PACS1: variants seen among roughly 807,000 people sequenced by gnomAD.
PACS1 encodes PACS-1.
Under a neutral mutation model 115.0 loss-of-function variants are expected in PACS1, and 24 were observed. That is an observed-to-expected ratio of 0.21 (90% CI 0.15 to 0.29). The LOEUF (loss-of-function observed/expected upper bound fraction) is 0.29, where lower values mean the gene tolerates loss of function less well. PACS1 is among the 10% of genes least tolerant of loss of function. The probability of loss-of-function intolerance (pLI) is 1.00; values close to 1 mark genes in which losing one functional copy is unlikely to be tolerated. For synonymous variants in PACS1, 453 were observed against 504.5 expected, an observed-to-expected ratio of 0.90 and a Z score of 1.37; for missense variants, 838 against 1,251.2, an observed-to-expected ratio of 0.67 and a Z score of 4.98.
chr11:66,144,367 A>G (rs1284069470), intron 1 of PACS1, among the ~76,000 whole-genome samples: 1 of 152,246 alleles, frequency 6.6e-6, no homozygotes, highest in African/African-American at 2.4e-5. Context: ...AGTTTTTTAG[A>G]GAAGAGGAAA....
intron 1 of PACS1, among the ~76,000 whole-genome samples, chr11:66,073,222 C>T (rs546012805): frequency 6.6e-6 from 1 of 152,336 alleles, no homozygotes; most frequent in South Asian, 2.1e-4. Context: ...GAGAAAATGG[C>T]CTGCCATTGG....
At chr11:66,128,871 C>G (rs369703992) in intron 1 of PACS1, among the ~76,000 whole-genome samples, 1 of 144,100 alleles carries the variant, frequency 6.9e-6, no homozygotes, top group African/African-American at 2.7e-5. Context: ...GCAACAGAGC[C>G]GGACTCCATC....
chr11:66,110,693 C>T (rs1858168339), intron 1 of PACS1, among the ~76,000 whole-genome samples: 2 of 152,146 alleles, frequency 1.3e-5, no homozygotes, highest in African/African-American at 4.8e-5. Flanking sequence ...CTCCCACCTC[C>T]TGAGTACCTG....
At chr11:66,190,762 C>G (rs1282688229) in intron 1 of PACS1, among the ~76,000 whole-genome samples, 2 of 152,152 alleles carry the variant, frequency 1.3e-5, no homozygotes, top group African/African-American at 4.8e-5. Context: ...CATCTCTGCT[C>G]TGAAGGGAAG....
intron 2 of PACS1, among the ~76,000 whole-genome samples, chr11:66,201,479 G>A (rs11532072): frequency 3.9e-5 from 6 of 152,052 alleles, no homozygotes; most frequent in Admixed American, 3.9e-4. Flanking sequence ...GTAGCTATAA[G>A]TGCCTACATC....
chr11:66,153,924 T>C (rs1260202703), intron 1 of PACS1, among the ~76,000 whole-genome samples: 4 of 152,272 alleles, frequency 2.6e-5, no homozygotes, highest in African/African-American at 9.6e-5. Flanking sequence ...AGACACACTT[T>C]AAACACAGAG....
intron 1 of PACS1, among the ~76,000 whole-genome samples, chr11:66,170,526 T>C (rs916701653): frequency 1.3e-5 from 2 of 150,418 alleles, no homozygotes; most frequent in South Asian, 4.1e-4. Context: ...CTTTACAGGG[T>C]TGTTTTTATA....
Position 66,078,125 on chromosome 11 carries a change from C to A in PACS1, c.356+7283C>A, listed in dbSNP as rs7103517. ...TCTCCTTGTGAGTAATGATCTGTGT[C>A]CACTCTCAGATCAACCTGGGCTCCC... On this transcript the variant is annotated intron_variant, in intron 1 of 23. Transcript: ENST00000320580. Among the ~76,000 whole-genome samples the A allele has an allele frequency of 4.6e-3, 697 of 152,230 alleles. 5 individuals carry two copies. The highest frequency in any genetic ancestry group is 0.015 in the African/African-American group (623 of 41,522).
intron 1 of PACS1, among the ~76,000 whole-genome samples, chr11:66,103,071 TC>T (rs1251342248): frequency 6.6e-6 from 1 of 152,220 alleles, no homozygotes; most frequent in Non-Finnish European, 1.5e-5. Context: ...CCTGAAGTGA[TC>T]CATCTGCCTT....
chr11:66,153,123 A>G (rs748401770), intron 1 of PACS1, among the ~76,000 whole-genome samples: 1 of 151,986 alleles, frequency 6.6e-6, no homozygotes, highest in Non-Finnish European at 1.5e-5. Flanking sequence ...TAAGATACAT[A>G]TGTGTTTTTT....
chr11:66,114,606 A>G (rs1455771964), intron 1 of PACS1, among the ~76,000 whole-genome samples: 1 of 152,122 alleles, frequency 6.6e-6, no homozygotes, highest in Admixed American at 6.6e-5. Flanking sequence ...AGAAAATGCA[A>G]ATAATTTGTG....
intron 7 of PACS1, 59 bp from the exon 8 acceptor site, chr11:66,219,687 G>T: frequency 1.6e-6 from 2 of 1,286,626 alleles, no homozygotes; most frequent in South Asian, 2.4e-5. Context: ...GGTGTTTATT[G>T]ACTTGAATTG....
chr11:66,234,364 C>G, intron 17 of PACS1, 122 bp downstream of exon 17: 1 of 726,736 alleles, frequency 1.4e-6, no homozygotes, highest in East Asian at 2.5e-5. Flanking sequence ...CCCGGTCACT[C>G]TGTCCATTCA....
At chr11:66,145,420 A>G (rs2134600335) in intron 1 of PACS1, among the ~76,000 whole-genome samples, 1 of 152,310 alleles carries the variant, frequency 6.6e-6, no homozygotes, top group South Asian at 2.1e-4. Context: ...CCTCAGTAGC[A>G]AGAGAACAAG....
Position 66,233,151 on chromosome 11 carries a change from C to A in PACS1, c.1838+85C>A, listed in dbSNP as rs776742938. 39 of 1,017,102 alleles carry A rather than the reference C, an allele frequency of 3.8e-5. No homozygotes were observed. The Admixed American group carries it at 5.3e-4, about 14-fold the overall frequency. The allele number at this position is 1,017,102 out of a possible 1,614,324, so 63.0% of individuals were successfully genotyped here. A position where few individuals can be genotyped will look rare whatever the true frequency, so the allele number is the denominator to read the frequency against. ...ACCCTGACTTCTAAGCAATGATAGA[C>A]CCTCCTGGCCTCATCAGACCAAGAA... On this transcript the variant is annotated intron_variant, in intron 15 of 23. Coordinates refer to ENST00000320580, the MANE Select transcript of PACS1 (RefSeq NM_018026.4). The surrounding 1 kb of genome is among the most constrained non-coding windows in gnomAD (Gnocchi z 4.5).
rs1238577848 is a variant in PACS1, at chr11:66,070,600, G to A, written c.114G>A (p.Gln38=). The change falls in exon 1 of 24, where the codon CAG becomes CAA. Residue 38 remains glutamine, a synonymous_variant. Transcript: ENST00000320580. The surrounding 1 kb of genome is among the most constrained non-coding windows in gnomAD (Gnocchi z 5.9). ...SPQQPPPQQQ[Q]QQPPQQPTPP... ...AGCAGCCGCCGCCGCAGCAGCAGCAGCAGCAGCCGCCGCAGCAGCCGACGC... is the reference window on the plus strand; with the variant it reads ...AGCAGCCGCCGCCGCAGCAGCAGCAACAGCAGCCGCCGCAGCAGCCGACGC... The A allele has an allele frequency of 2.0e-6, 3 of 1,518,348 alleles. No homozygotes were observed. The highest frequency in any genetic ancestry group is 1.8e-6 in the Non-Finnish European group (2 of 1,141,874). 94.1% of individuals were successfully genotyped at this position (1,518,348 alleles called of 1,614,324 possible). A position where few individuals can be genotyped will look rare whatever the true frequency, so the allele number is the denominator to read the frequency against.
intron 1 of PACS1, chr11:66,100,771 G>A (rs1565106338): frequency 8.8e-6 from 4 of 456,284 alleles, no homozygotes; most frequent in Non-Finnish European, 1.8e-5. Context: ...CCCTCACCGT[G>A]TGATGTCTGG....
chr11:66,129,382 A>C (rs958383336), intron 1 of PACS1, among the ~76,000 whole-genome samples: 1 of 151,508 alleles, frequency 6.6e-6, no homozygotes, highest in Non-Finnish European at 1.5e-5. Flanking sequence ...CAGTGAGCTG[A>C]GATCGCACCA....
chr11:66,221,038 G>A lies in PACS1; in HGVS notation c.1200-116G>A, dbSNP rs577165651. ...CACCCTGCACTTCCCTGCTCACCGG[G>A]CGTTCTGGACACCTGTAGCTTGTTG... On this transcript the variant is annotated intron_variant, in intron 9 of 23. Transcript: ENST00000320580. 3 of 1,016,844 alleles carry A rather than the reference G, an allele frequency of 3.0e-6. No individual in the cohort carries two copies. The African/African-American group carries it at 4.7e-5, about 16-fold the overall frequency. The allele number at this position is 1,016,844 out of a possible 1,614,324, so 63.0% of individuals were successfully genotyped here. A position where few individuals can be genotyped will look rare whatever the true frequency, so the allele number is the denominator to read the frequency against.
Sources: allele counts gnomAD v4.1 joint callset (sites outside exome capture counted in the v4.1 genomes callset), GRCh38; gene constraint gnomAD v4.1.1; non-coding constraint Gnocchi (gnomAD v3.1); transcripts MANE v1.5; gene names NCBI Gene and HGNC (gene_info 2026-07-23, HGNC 2026-07-21).